Variants in DSCAM observed in about 807,000 individuals in gnomAD.
DSCAM encodes cell adhesion molecule DSCAM.
A neutral mutation model predicts 217.7 loss-of-function variants in DSCAM; 47 were observed. The observed-to-expected ratio is 0.22, with a 90% CI of 0.17 to 0.28. The LOEUF is 0.28. Ranked by LOEUF, DSCAM falls within the 10% of genes least tolerant of loss-of-function variation. The pLI, the probability that DSCAM is intolerant of heterozygous loss-of-function variation, is 1.00. For synonymous variants in DSCAM, 1,056 were observed against 1,015.3 expected (o/e 1.04, Z -0.76); for missense variants, 2,080 against 2,618.3 (o/e 0.79, Z 4.49).
At position 40,030,953 on chromosome 21, in the gene DSCAM, C is replaced by G. The variant is rs111905964; in HGVS notation, c.5686+11418G>C. On this transcript the variant is annotated intron_variant, in intron 32 of 32. Transcript: ENST00000400454. Reference sequence around the variant, plus strand: ...CTACCCTGCAACCATCCTCCTGCCACTGTGTTCAAGAGGCCATCCCCTGTA... The same window carrying G: ...CTACCCTGCAACCATCCTCCTGCCAGTGTGTTCAAGAGGCCATCCCCTGTA... Among the ~76,000 whole-genome samples, 1,018 of 152,240 alleles carry G rather than the reference C, an allele frequency of 6.7e-3. 8 individuals are homozygous for G. Among genetic ancestry groups the G allele is most frequent in the Non-Finnish European group, 0.01 (689 of 68,022 alleles).
At chr21:40,610,560 T>G (rs2089299142) in intron 3 of DSCAM, among the ~76,000 whole-genome samples, 1 of 152,176 alleles carries the variant, frequency 6.6e-6, no homozygotes, top group Non-Finnish European at 1.5e-5. Flanking sequence ...AGTGCTTGAA[T>G]TTGGCACTTC....
chr21:40,175,514 T>C (rs1433060625), intron 15 of DSCAM, among the ~76,000 whole-genome samples: 2 of 152,092 alleles, frequency 1.3e-5, no homozygotes, highest in Admixed American at 1.3e-4. Flanking sequence ...TTCTGGTTCA[T>C]AGATAGTGCC....
At chr21:40,479,178 G>A (rs2075961809) in intron 3 of DSCAM, among the ~76,000 whole-genome samples, 1 of 152,192 alleles carries the variant, frequency 6.6e-6, no homozygotes, top group Admixed American at 6.5e-5. Flanking sequence ...TCAATTAAAT[G>A]TGATGAAGCC....
intron 2 of DSCAM, among the ~76,000 whole-genome samples, chr21:40,698,186 T>C (rs929484099): frequency 2.2e-4 from 33 of 152,308 alleles, no homozygotes; most frequent in Admixed American, 1.0e-3. Flanking sequence ...TTGGTCTACA[T>C]TGACAGCAGC....
chr21:40,434,133 A>G (rs1246418903), intron 3 of DSCAM, among the ~76,000 whole-genome samples: 5 of 152,050 alleles, frequency 3.3e-5, no homozygotes, highest in African/African-American at 9.7e-5. Context: ...TGTCATCACC[A>G]TTTTCCTTTT....
chr21:40,846,527 A>G, intron 1 of DSCAM, 92 bp downstream of exon 1: 2 of 476,310 alleles, frequency 4.2e-6, no homozygotes, highest in Non-Finnish European at 3.3e-6. Context: ...AAGAAAGAAG[A>G]CTTTACCCAT....
intron 1 of DSCAM, among the ~76,000 whole-genome samples, chr21:40,845,640 G>A (rs2092139317): frequency 6.6e-6 from 1 of 150,774 alleles, no homozygotes; most frequent in South Asian, 2.1e-4. Context: ...TTCTGGCTAG[G>A]GGATTCTGCT....
chr21:40,846,326 T>G (rs2092144976), intron 1 of DSCAM, among the ~76,000 whole-genome samples: 2 of 152,108 alleles, frequency 1.3e-5, no homozygotes, highest in Non-Finnish European at 2.9e-5. Flanking sequence ...CCTGGTTTAT[T>G]CTGAATGAGG....
chr21:40,821,387 A>ACGCG (rs140511345), intron 1 of DSCAM, among the ~76,000 whole-genome samples: 1 of 150,136 alleles, frequency 6.7e-6, no homozygotes, highest in Admixed American at 6.7e-5. Flanking sequence ...ACACAGACAC[A>ACGCG]CGCGCGCACA....
chr21:40,211,986 G>T (rs555218685), intron 11 of DSCAM, among the ~76,000 whole-genome samples: 9 of 151,586 alleles, frequency 5.9e-5, no homozygotes, highest in Non-Finnish European at 1.3e-4. Flanking sequence ...GGTGTGGGGG[G>T]TGGGAGGGAG....
At chr21:40,548,986 T>C (rs1016849460) in intron 3 of DSCAM, among the ~76,000 whole-genome samples, 1 of 152,138 alleles carries the variant, frequency 6.6e-6, no homozygotes, top group African/African-American at 2.4e-5. Flanking sequence ...GGCAAACCAC[T>C]TAAGCTCAGG....
intron 3 of DSCAM, among the ~76,000 whole-genome samples, chr21:40,509,762 C>A (rs1050309685): frequency 6.6e-6 from 1 of 152,224 alleles, no homozygotes; most frequent in African/African-American, 2.4e-5. Flanking sequence ...AAATTTTATA[C>A]ATGCATTCTG....
chr21:40,042,283 A>G (rs2088764889), intron 32 of DSCAM, 88 bp downstream of exon 32: 2 of 1,450,546 alleles, frequency 1.4e-6, no homozygotes, highest in Admixed American at 3.9e-5. Flanking sequence ...TGGTCTGAAC[A>G]CTGAGAAGGG....
chr21:40,227,277 G>A (rs1333288039), intron 11 of DSCAM, among the ~76,000 whole-genome samples: 2 of 152,150 alleles, frequency 1.3e-5, no homozygotes, highest in African/African-American at 2.4e-5. Flanking sequence ...GGAAGGCTTC[G>A]AGCTTTTCCA....
intron 3 of DSCAM, among the ~76,000 whole-genome samples, chr21:40,561,389 C>G (rs541960694): frequency 6.6e-6 from 1 of 152,320 alleles, no homozygotes; most frequent in South Asian, 2.1e-4. Flanking sequence ...GCTGACTACA[C>G]GTCGTTCCAT....
intron 3 of DSCAM, among the ~76,000 whole-genome samples, chr21:40,653,052 A>G (rs2146363572): frequency 6.6e-6 from 1 of 152,328 alleles, no homozygotes; most frequent in Non-Finnish European, 1.5e-5. Context: ...CCCTGTCCCT[A>G]TAGGTCTCCG....
At chr21:40,727,311 T>C (rs896546489) in intron 1 of DSCAM, among the ~76,000 whole-genome samples, 3 of 152,216 alleles carry the variant, frequency 2.0e-5, no homozygotes, top group African/African-American at 7.2e-5. Context: ...TGTTCTGGGA[T>C]CCAGTATTCT....
chr21:40,436,572 C>T (rs935107653), intron 3 of DSCAM, among the ~76,000 whole-genome samples: 1 of 151,966 alleles, frequency 6.6e-6, no homozygotes, highest in Admixed American at 6.6e-5. Context: ...TCTTATTGAC[C>T]CAGATGACAG....
chr21:40,133,527 C>G (rs907013532), intron 19 of DSCAM, among the ~76,000 whole-genome samples: 1 of 151,414 alleles, frequency 6.6e-6, no homozygotes, highest in Non-Finnish European at 1.5e-5. Flanking sequence ...ATTATTCTAA[C>G]AAGATACAAA....
Sources: allele counts gnomAD v4.1 joint callset (sites outside exome capture counted in the v4.1 genomes callset), GRCh38; gene constraint gnomAD v4.1.1; transcripts MANE v1.5; gene names NCBI Gene and HGNC (gene_info 2026-07-23, HGNC 2026-07-21).